The following ZMAT4 variants were observed in gnomAD, a reference collection of about 807,000 sequenced individuals.
The protein encoded by ZMAT4 is zinc finger matrin-type 4.
ZMAT4 carries 17 observed loss-of-function variants against 28.7 expected under a neutral mutation model. The observed-to-expected ratio is 0.59, with a 90% CI of 0.41 to 0.89. ZMAT4 has a LOEUF of 0.89. Among genes scored for constraint, ZMAT4 ranks in the 40% least tolerant of loss-of-function variants. The pLI is 0.00. For missense variants in ZMAT4, 240 were observed against 283.8 expected (o/e 0.85, Z 1.11); for synonymous variants, 117 against 109.2 (o/e 1.07, Z -0.44).
chr8:40,834,882 A>G (rs1038468548), intron 1 of ZMAT4, among the ~76,000 whole-genome samples: 1 of 152,204 alleles, frequency 6.6e-6, no homozygotes, highest in Non-Finnish European at 1.5e-5. Context: ...GCAAGGCAAG[A>G]GCCATTCTAT....
At chr8:40,800,075 A>G (rs1395122271) in intron 2 of ZMAT4, among the ~76,000 whole-genome samples, 1 of 152,252 alleles carries the variant, frequency 6.6e-6, no homozygotes, top group Non-Finnish European at 1.5e-5. Flanking sequence ...TAATCTAACT[A>G]CAGTCATTTG....
At chr8:40,852,953 G>A (rs1215549592) in intron 1 of ZMAT4, among the ~76,000 whole-genome samples, 2 of 151,534 alleles carry the variant, frequency 1.3e-5, no homozygotes, top group African/African-American at 4.8e-5. Context: ...TTTATCACGG[G>A]CAAAAAAAAA....
intron 5 of ZMAT4, among the ~76,000 whole-genome samples, chr8:40,654,689 A>G (rs1033527346): frequency 2.6e-5 from 4 of 152,212 alleles, no homozygotes; most frequent in African/African-American, 9.6e-5. Flanking sequence ...TCATGGAATA[A>G]ATTAAAGATA....
intron 2 of ZMAT4, among the ~76,000 whole-genome samples, chr8:40,798,313 C>T (rs1458134429): frequency 6.6e-6 from 1 of 152,216 alleles, no homozygotes. Flanking sequence ...AAACATTTAT[C>T]AAGCTCCACA....
chr8:40,721,296 A>G (rs1275045715), intron 3 of ZMAT4, among the ~76,000 whole-genome samples: 2 of 136,512 alleles, frequency 1.5e-5, no homozygotes, highest in Non-Finnish European at 3.1e-5. Flanking sequence ...TGTCCCTACA[A>G]AGGACATGAA....
At chr8:40,798,652 C>T (rs1163869982) in intron 2 of ZMAT4, among the ~76,000 whole-genome samples, 1 of 152,192 alleles carries the variant, frequency 6.6e-6, no homozygotes, top group East Asian at 1.9e-4. Context: ...CAGAAGAAAA[C>T]TTCATTGACA....
intron 6 of ZMAT4, among the ~76,000 whole-genome samples, chr8:40,564,512 C>T (rs1041146309): frequency 1.3e-5 from 2 of 152,104 alleles, no homozygotes; most frequent in African/African-American, 4.8e-5. Flanking sequence ...ATTATCCCTG[C>T]CTGCAAAGTA....
At chr8:40,711,488 C>T (rs1324187718) in intron 3 of ZMAT4, among the ~76,000 whole-genome samples, 4 of 152,120 alleles carry the variant, frequency 2.6e-5, no homozygotes, top group Non-Finnish European at 1.5e-5. Flanking sequence ...GTCTCTGAAA[C>T]CATCTGCCAA....
chr8:40,749,727 T>C (rs945663462), intron 3 of ZMAT4, among the ~76,000 whole-genome samples: 1 of 152,168 alleles, frequency 6.6e-6, no homozygotes, highest in African/African-American at 2.4e-5. Flanking sequence ...TGAGTGAAAG[T>C]TATGTTCTTA....
chr8:40,680,817 C>T (rs529798240), intron 4 of ZMAT4, among the ~76,000 whole-genome samples: 1 of 152,100 alleles, frequency 6.6e-6, no homozygotes, highest in South Asian at 2.1e-4. Flanking sequence ...CTTCTTTTCT[C>T]CTCTTTTATC....
chr8:40,548,010 A>T (rs1803255487), intron 6 of ZMAT4, among the ~76,000 whole-genome samples: 2 of 152,154 alleles, frequency 1.3e-5, no homozygotes, highest in Admixed American at 1.3e-4. Flanking sequence ...TCAGGGGAAG[A>T]GCTGGCAGAA....
At chr8:40,841,279 A>C (rs577960890) in intron 1 of ZMAT4, among the ~76,000 whole-genome samples, 208 of 152,260 alleles carry the variant, frequency 1.4e-3, no homozygotes, top group Admixed American at 2.2e-3. Context: ...AGCCAGTTTG[A>C]AACCTGAGTA....
At chr8:40,837,760 G>T (rs1816548544) in intron 1 of ZMAT4, among the ~76,000 whole-genome samples, 1 of 152,178 alleles carries the variant, frequency 6.6e-6, no homozygotes, top group Admixed American at 6.5e-5. Flanking sequence ...CTAAAATCAA[G>T]CAACTCGTGG....
At chr8:40,834,321 C>G (rs1389892223) in intron 1 of ZMAT4, among the ~76,000 whole-genome samples, 1 of 152,060 alleles carries the variant, frequency 6.6e-6, no homozygotes, top group African/African-American at 2.4e-5. Context: ...CCTCTCTGAT[C>G]CCTTGTCCTT....
At chr8:40,725,072 G>T (rs539692399) in intron 3 of ZMAT4, among the ~76,000 whole-genome samples, 1 of 152,246 alleles carries the variant, frequency 6.6e-6, no homozygotes, top group African/African-American at 2.4e-5. Context: ...GCTATGGAAC[G>T]CCTGCCTACT....
rs1023411001 is a variant in ZMAT4, at chr8:40,891,346, G to A, written c.-5+6337C>T. 5.1e-4 allele frequency among the ~76,000 whole-genome samples: 76 copies of A among 148,824 alleles called. 1 individual carries two copies. The highest frequency in any genetic ancestry group is 1.8e-3 in the African/African-American group (74 of 40,566). On this transcript the variant is annotated intron_variant, in intron 1 of 6. Coordinates refer to ENST00000297737, the MANE Select transcript of ZMAT4 (RefSeq NM_024645.3). The stretch of plus-strand genomic sequence containing the variant: ...GGTAAGGACACATGGTGGTCACCAC[G>A]TTGGCCACCCTGCCTGGTGTATCCC...
rs1585829487 is a variant in ZMAT4 at position 40,656,003 on chromosome 8, AATTGAAAG to A, written c.577+18693_577+18700del. On this transcript the variant is annotated intron_variant, in intron 5 of 6. Coordinates refer to ENST00000297737, the MANE Select transcript of ZMAT4 (RefSeq NM_024645.3). ...GTCTGTGCTTCAAATGCTATGGTTA[AATTGAAAG>A]ATTGTCCACAGAATGAGAGACAAAA... is the stretch of plus-strand genomic sequence containing the variant. 2.0e-5 allele frequency among the ~76,000 whole-genome samples: 3 copies of A among 152,258 alleles called. No homozygotes were observed. In the East Asian group the frequency reaches 5.8e-4, roughly 29 times the overall value.
chr8:40,683,650 C>A (rs191321035), intron 4 of ZMAT4, among the ~76,000 whole-genome samples: 43 of 152,278 alleles, frequency 2.8e-4, no homozygotes, highest in African/African-American at 8.9e-4. Flanking sequence ...ACAAGAAACA[C>A]AGGTGGCAAG....
At chr8:40,712,268 T>C (rs1202251736) in intron 3 of ZMAT4, among the ~76,000 whole-genome samples, 1 of 152,192 alleles carries the variant, frequency 6.6e-6, no homozygotes, top group Non-Finnish European at 1.5e-5. Context: ...GTGCCTAACC[T>C]AGAGAGCAAA....
Sources: gnomAD v4.1 joint callset for allele counts (sites outside exome capture counted in the v4.1 genomes callset) on GRCh38, gnomAD v4.1.1 for gene constraint, MANE v1.5 for transcripts, NCBI Gene and HGNC (gene_info 2026-07-23, HGNC 2026-07-21) for gene names.